Variants in AMMECR1 observed in about 807,000 individuals in gnomAD.
The protein encoded by AMMECR1 is nuclear protein AMMECR1.
AMMECR1 carries 3 observed loss-of-function variants against 22.5 expected under a neutral mutation model. That is an observed-to-expected ratio of 0.13 (90% CI 0.06 to 0.35). The LOEUF is 0.35. Ranked by LOEUF, AMMECR1 falls within the 10% of genes least tolerant of loss-of-function variation. The pLI, the probability that AMMECR1 is intolerant of heterozygous loss-of-function variation, is 1.00. For missense variants in AMMECR1, 235 were observed against 278.7 expected (o/e 0.84, Z 1.12); for synonymous variants, 130 against 116.7 (o/e 1.11, Z -0.74).
At position 110,317,928 on chromosome X, in the gene AMMECR1, G is replaced by A. The variant is rs767296184; in HGVS notation, c.144C>T (p.Gly48=). The stretch of plus-strand genomic sequence containing the variant: ...CCAGCCCGTTGAGCCGCGTACCGGC[G>A]CCTCCTAGTCCCAGCTCCCCAGCTC... ...QCRAGELGLG[G]AGTRLNGLGG... is the part of the protein sequence containing the mutation. The change falls in exon 1 of 6, where the codon GGC becomes GGT. Residue 48 remains glycine, a synonymous_variant. Coordinates refer to ENST00000262844, the MANE Select transcript of AMMECR1 (RefSeq NM_015365.3). 2.9e-5 allele frequency: 35 copies of A among 1,195,484 alleles called. No homozygotes were observed. The South Asian group carries it at 5.3e-4, about 18-fold the overall frequency.
intron 2 of AMMECR1, among the ~76,000 whole-genome samples, chrX:110,393,152 G>A (rs895274148): frequency 9.0e-6 from 1 of 111,400 alleles, no homozygotes; most frequent in Non-Finnish European, 1.9e-5. Context: ...TAAGAGAGCT[G>A]ATTGTGAAGT....
intron 2 of AMMECR1, among the ~76,000 whole-genome samples, chrX:110,377,008 A>C (rs1412645975): frequency 1.8e-5 from 2 of 111,844 alleles, no homozygotes; most frequent in Non-Finnish European, 3.8e-5. Context: ...AGTGCTACTA[A>C]CTACAGCACT....
At chrX:110,368,626 A>T (rs1248143873) in intron 2 of AMMECR1, among the ~76,000 whole-genome samples, 2 of 110,654 alleles carry the variant, frequency 1.8e-5, no homozygotes, top group East Asian at 5.6e-4. Context: ...CTACAACTTT[A>T]CTCTGCTTAA....
intron 2 of AMMECR1, among the ~76,000 whole-genome samples, chrX:110,226,005 T>A (rs990167088): frequency 5.4e-5 from 6 of 112,097 alleles, no homozygotes; most frequent in Non-Finnish European, 1.1e-4. Context: ...TAAAATGATA[T>A]AAATAGACTT....
intron 2 of AMMECR1, among the ~76,000 whole-genome samples, chrX:110,425,916 G>T (rs2068749482): frequency 8.9e-6 from 1 of 112,036 alleles, no homozygotes; most frequent in South Asian, 3.7e-4. Flanking sequence ...AACATTTATT[G>T]AGTGCTCTGT....
intron 1 of AMMECR1, among the ~76,000 whole-genome samples, chrX:110,429,461 T>G (rs2068779630): frequency 1.3e-5 from 1 of 74,985 alleles, no homozygotes; most frequent in African/African-American, 2.2e-4. Flanking sequence ...AAAAAGTGTT[T>G]TTTTTTTTTT....
At chrX:110,281,567 G>A (rs761944077) in intron 1 of AMMECR1, among the ~76,000 whole-genome samples, 2 of 111,681 alleles carry the variant, frequency 1.8e-5, no homozygotes. Flanking sequence ...TCTCCAATCT[G>A]TCTTTGTTTG....
chrX:110,208,448 A>T (rs891708841), intron 3 of AMMECR1, among the ~76,000 whole-genome samples: 1 of 112,129 alleles, frequency 8.9e-6, no homozygotes, highest in African/African-American at 3.2e-5. Flanking sequence ...CCTTTGGCTT[A>T]GATATTAGTT....
At chrX:110,328,583 A>G (rs922417010) in intron 2 of AMMECR1, among the ~76,000 whole-genome samples, 5 of 107,749 alleles carry the variant, frequency 4.6e-5, no homozygotes. Context: ...CATCATCTAC[A>G]TTAGGTATTT....
At chrX:110,355,482 G>GA (rs934603325) in intron 2 of AMMECR1, among the ~76,000 whole-genome samples, 4 of 111,199 alleles carry the variant, frequency 3.6e-5, no homozygotes, top group Non-Finnish European at 7.6e-5. Context: ...ACAGATATGT[G>GA]AAAAAAAATG....
At chrX:110,299,004 C>A (rs951371679) in intron 1 of AMMECR1, among the ~76,000 whole-genome samples, 13 of 111,623 alleles carry the variant, frequency 1.2e-4, no homozygotes, top group African/African-American at 4.2e-4. Flanking sequence ...ATTTTATTTA[C>A]ATTTCATTGT....
intron 2 of AMMECR1, among the ~76,000 whole-genome samples, chrX:110,259,563 G>T (rs2067727978): frequency 9.2e-6 from 1 of 108,883 alleles, no homozygotes; most frequent in Admixed American, 9.8e-5. Flanking sequence ...AAATTTATTA[G>T]CCAAAATTTT....
At chrX:110,255,026 A>T (rs1216043579) in intron 2 of AMMECR1, among the ~76,000 whole-genome samples, 1 of 112,293 alleles carries the variant, frequency 8.9e-6, no homozygotes, top group East Asian at 2.8e-4. Context: ...GCCTGGACTT[A>T]AAGCAACATT....
intron 2 of AMMECR1, among the ~76,000 whole-genome samples, chrX:110,261,356 GTTTT>G (rs2067740595): frequency 9.0e-6 from 1 of 111,039 alleles, no homozygotes; most frequent in African/African-American, 3.3e-5. Context: ...CTTATTTTTT[GTTTT>G]GTTTTATTTT....
intron 2 of AMMECR1, among the ~76,000 whole-genome samples, chrX:110,353,649 C>T (rs745841379): frequency 8.9e-6 from 1 of 111,803 alleles, no homozygotes; most frequent in Non-Finnish European, 1.9e-5. Flanking sequence ...TTGTTGATTT[C>T]TACTTCCATG....
chrX:110,260,747 C>T (rs771942683), intron 2 of AMMECR1, among the ~76,000 whole-genome samples: 1 of 111,376 alleles, frequency 9.0e-6, no homozygotes, highest in Non-Finnish European at 1.9e-5. Flanking sequence ...CTATGTTCAT[C>T]GCAGCATTAT....
At chrX:110,363,316 C>A (rs767202337) in intron 2 of AMMECR1, among the ~76,000 whole-genome samples, 3 of 111,861 alleles carry the variant, frequency 2.7e-5, no homozygotes, top group Non-Finnish European at 5.6e-5. Flanking sequence ...AATAGGGCCA[C>A]CAACTCTAGA....
At chrX:110,371,698 T>A (rs919315910) in intron 2 of AMMECR1, among the ~76,000 whole-genome samples, 1 of 111,242 alleles carries the variant, frequency 9.0e-6, no homozygotes, top group African/African-American at 3.3e-5. Flanking sequence ...ATGGAGTGGG[T>A]GCAGCTTGGC....
chrX:110,356,804 A>G (rs1229429320), intron 2 of AMMECR1, among the ~76,000 whole-genome samples: 3 of 111,615 alleles, frequency 2.7e-5, no homozygotes, highest in Non-Finnish European at 5.6e-5. Flanking sequence ...TTTACAGATG[A>G]GATAACTAAA....
Sources: gnomAD v4.1 joint callset for allele counts (sites outside exome capture counted in the v4.1 genomes callset) on GRCh38, gnomAD v4.1.1 for gene constraint, MANE v1.5 for transcripts, NCBI Gene and HGNC (gene_info 2026-07-23, HGNC 2026-07-21) for gene names.